The following AXIN1 variants were observed in gnomAD, a reference collection of about 807,000 sequenced individuals.
The protein encoded by AXIN1 is axin-1.
A neutral mutation model predicts 76.4 loss-of-function variants in AXIN1; 30 were observed. The observed-to-expected ratio is 0.39, with a 90% CI of 0.29 to 0.53. The LOEUF (loss-of-function observed/expected upper bound fraction) is 0.53. Among genes scored for constraint, AXIN1 ranks in the 20% least tolerant of loss-of-function variants. AXIN1 has a pLI of 0.66. For synonymous variants in AXIN1, 545 were observed against 501.4 expected, an observed-to-expected ratio of 1.09 and a Z score of -1.16; for missense variants, 1,140 against 1,198.8, an observed-to-expected ratio of 0.95 and a Z score of 0.72.
At chr16:319,361 G>A (rs978743270) in intron 2 of AXIN1, among the ~76,000 whole-genome samples, 1 of 152,150 alleles carries the variant, frequency 6.6e-6, no homozygotes, top group Admixed American at 6.5e-5. Context: ...GGCATGAGAA[G>A]ACACGGTGAC....
chr16:294,859 G>A (rs1218388280), intron 7 of AXIN1, among the ~76,000 whole-genome samples: 1 of 150,720 alleles, frequency 6.6e-6, no homozygotes, highest in Admixed American at 6.6e-5. Context: ...TCAAGAGATC[G>A]AGACCGTCCT....
At chr16:324,343 G>A (rs2053531545) in intron 2 of AXIN1, among the ~76,000 whole-genome samples, 1 of 151,948 alleles carries the variant, frequency 6.6e-6, no homozygotes, top group Non-Finnish European at 1.5e-5. Context: ...GGAGGCTGGG[G>A]GCCGGAATGC....
At chr16:336,385 A>AAGGC (rs1326745989) in intron 2 of AXIN1, among the ~76,000 whole-genome samples, 1 of 152,212 alleles carries the variant, frequency 6.6e-6, no homozygotes. Flanking sequence ...TTACTCAGAA[A>AAGGC]AGGCACTAAG....
At chr16:289,688 G>C in intron 9 of AXIN1, 81 bp from the exon 10 acceptor site, 1 of 1,570,346 alleles carries the variant, frequency 6.4e-7, no homozygotes, top group Non-Finnish European at 8.6e-7. Context: ...CAGGCTGCCA[G>C]TGTAAGGCGG....
intron 1 of AXIN1, among the ~76,000 whole-genome samples, chr16:351,832 C>A (rs1288955247): frequency 6.6e-6 from 1 of 152,138 alleles, no homozygotes; most frequent in Non-Finnish European, 1.5e-5. Flanking sequence ...CAATGCCAAG[C>A]TGAAAGTTTC....
chr16:331,514 A>T (rs1393888798), intron 2 of AXIN1, among the ~76,000 whole-genome samples: 2 of 152,110 alleles, frequency 1.3e-5, no homozygotes, highest in Non-Finnish European at 2.9e-5. Flanking sequence ...GAGATATTTA[A>T]TTTTTTTCTG....
intron 9 of AXIN1, chr16:289,856 A>G: frequency 1.7e-6 from 1 of 581,752 alleles, no homozygotes; most frequent in Non-Finnish European, 3.1e-6. Context: ...CCCACCCTCG[A>G]CTGGCCAGGG....
At chr16:327,545 T>C (rs2053609628) in intron 2 of AXIN1, among the ~76,000 whole-genome samples, 1 of 152,184 alleles carries the variant, frequency 6.6e-6, no homozygotes, top group Admixed American at 6.5e-5. Context: ...AAAGGCCCTT[T>C]ATGATCAAAA....
intron 2 of AXIN1, among the ~76,000 whole-genome samples, chr16:317,249 G>A (rs938742728): frequency 1.3e-5 from 2 of 152,204 alleles, no homozygotes; most frequent in African/African-American, 4.8e-5. Context: ...TGCGAGCTGG[G>A]GACAGCCTGT....
At chr16:328,004 T>C (rs946160952) in intron 2 of AXIN1, among the ~76,000 whole-genome samples, 1 of 152,216 alleles carries the variant, frequency 6.6e-6, no homozygotes, top group Non-Finnish European at 1.5e-5. Context: ...ATCCGAGCAC[T>C]GTAGGAGGCT....
chr16:350,649 C>T (rs541722675), intron 1 of AXIN1, among the ~76,000 whole-genome samples: 1 of 152,206 alleles, frequency 6.6e-6, no homozygotes, highest in Non-Finnish European at 1.5e-5. Context: ...CTTGAAGGTT[C>T]AGGGCTACTA....
At chr16:330,802 C>G (rs1401221359) in intron 2 of AXIN1, among the ~76,000 whole-genome samples, 1 of 152,196 alleles carries the variant, frequency 6.6e-6, no homozygotes, top group Non-Finnish European at 1.5e-5. Flanking sequence ...GGAGCAGAAG[C>G]CCCCAGGAAT....
chr16:297,605 G>T, intron 6 of AXIN1, 117 bp downstream of exon 6: 2 of 1,368,162 alleles, frequency 1.5e-6, no homozygotes, highest in Non-Finnish European at 1.9e-6. Flanking sequence ...CAGCAGAGGG[G>T]CCTCCTGCCT....
At chr16:303,443 G>A (rs893667014) in intron 5 of AXIN1, among the ~76,000 whole-genome samples, 1 of 151,682 alleles carries the variant, frequency 6.6e-6, no homozygotes, top group East Asian at 1.9e-4. Flanking sequence ...GGGCAGTGGC[G>A]CAATCTTGGC....
At chr16:310,225 G>A (rs1218815395) in intron 3 of AXIN1, among the ~76,000 whole-genome samples, 156 bp from the exon 4 acceptor site, 1 of 152,152 alleles carries the variant, frequency 6.6e-6, no homozygotes, top group Admixed American at 6.5e-5. Context: ...GGTGATGCAG[G>A]CACCCATGTG....
At chr16:298,826 T>C (rs1287889385) in intron 5 of AXIN1, among the ~76,000 whole-genome samples, 3 of 152,090 alleles carry the variant, frequency 2.0e-5, no homozygotes, top group Non-Finnish European at 4.4e-5. Flanking sequence ...TGGAGTGCAA[T>C]GGTGCCATCT....
chr16:309,349 A>G (rs1488476081), intron 4 of AXIN1, among the ~76,000 whole-genome samples: 1 of 152,110 alleles, frequency 6.6e-6, no homozygotes, highest in Non-Finnish European at 1.5e-5. Context: ...TTCCTGTTCA[A>G]AGTCAACCCA....
intron 2 of AXIN1, among the ~76,000 whole-genome samples, chr16:335,170 C>A (rs1299201434): frequency 1.3e-5 from 2 of 152,112 alleles, no homozygotes; most frequent in Admixed American, 6.5e-5. Context: ...TTTGTGGTAT[C>A]TCCAACATAA....
chr16:320,989 C>T (rs192689994), intron 2 of AXIN1, among the ~76,000 whole-genome samples: 9 of 152,202 alleles, frequency 5.9e-5, no homozygotes, highest in South Asian at 4.1e-4. Context: ...CTGCCCGCCT[C>T]GGCCTCCCAA....
Sources: allele counts gnomAD v4.1 joint callset (sites outside exome capture counted in the v4.1 genomes callset), GRCh38; gene constraint gnomAD v4.1.1; transcripts MANE v1.5; gene names NCBI Gene and HGNC (gene_info 2026-07-23, HGNC 2026-07-21).